Variants in SLC35F4 observed in about 807,000 individuals in gnomAD.
The protein encoded by SLC35F4 is chromosome 14 open reading frame 36.
SLC35F4 carries 24 observed loss-of-function variants against 44.2 expected under a neutral mutation model. That is an observed-to-expected ratio of 0.54 (90% CI 0.39 to 0.76). The LOEUF is 0.76. SLC35F4 is among the 30% of genes least tolerant of loss of function. SLC35F4 has a pLI of 0.00. For synonymous variants in SLC35F4, 238 were observed against 223.6 expected, an observed-to-expected ratio of 1.06 and a Z score of -0.57; for missense variants, 562 against 586.1, an observed-to-expected ratio of 0.96 and a Z score of 0.42.
At chr14:57,855,070 C>T (rs1365809804) in intron 1 of SLC35F4, among the ~76,000 whole-genome samples, 1 of 152,152 alleles carries the variant, frequency 6.6e-6, no homozygotes, top group Admixed American at 6.5e-5. Context: ...CTATTCATTT[C>T]CTCATAATTA....
intron 1 of SLC35F4, among the ~76,000 whole-genome samples, chr14:57,594,684 C>A (rs1166940050): frequency 1.3e-5 from 2 of 152,192 alleles, no homozygotes; most frequent in Non-Finnish European, 2.9e-5. Context: ...TCCACTCTAC[C>A]CTTTTCTTCC....
chr14:57,732,971 T>C (rs976370389), intron 1 of SLC35F4, among the ~76,000 whole-genome samples: 1 of 152,114 alleles, frequency 6.6e-6, no homozygotes, highest in African/African-American at 2.4e-5. Context: ...AGGATATGAA[T>C]TGAGCTTCAG....
intron 1 of SLC35F4, among the ~76,000 whole-genome samples, chr14:57,702,101 A>G (rs116797548): frequency 6.6e-6 from 1 of 152,152 alleles, no homozygotes; most frequent in African/African-American, 2.4e-5. Flanking sequence ...AGGAAAACAA[A>G]CTTCTGCAAA....
chr14:57,834,326 T>C (rs930961520), intron 1 of SLC35F4, among the ~76,000 whole-genome samples: 2 of 152,246 alleles, frequency 1.3e-5, no homozygotes, highest in African/African-American at 2.4e-5. Flanking sequence ...GTTCATTTTT[T>C]TCTTTTTTCT....
chr14:57,874,014 T>G (rs1467248620), intron 1 of SLC35F4, among the ~76,000 whole-genome samples: 1 of 152,166 alleles, frequency 6.6e-6, no homozygotes, highest in Non-Finnish European at 1.5e-5. Context: ...AGCCCTAAAA[T>G]GTTTACATTC....
At chr14:57,727,378 T>C (rs1217278118) in intron 1 of SLC35F4, among the ~76,000 whole-genome samples, 3 of 152,058 alleles carry the variant, frequency 2.0e-5, no homozygotes, top group African/African-American at 7.2e-5. Context: ...TGATCTTTTA[T>C]GTTTTCTTCA....
intron 1 of SLC35F4, among the ~76,000 whole-genome samples, chr14:57,694,880 A>G (rs2075336723): frequency 6.6e-6 from 1 of 152,198 alleles, no homozygotes; most frequent in Non-Finnish European, 1.5e-5. Context: ...TTTCTAATAT[A>G]GTAGCCTTGA....
chr14:57,960,455 A>G (rs1209596610), intron 1 of SLC35F4, among the ~76,000 whole-genome samples: 1 of 152,176 alleles, frequency 6.6e-6, no homozygotes, highest in Admixed American at 6.5e-5. Flanking sequence ...TAATTTCTCC[A>G]AGTGTCTTTC....
intron 1 of SLC35F4, among the ~76,000 whole-genome samples, chr14:57,812,123 T>G (rs1437971954): frequency 6.6e-6 from 1 of 152,220 alleles, no homozygotes; most frequent in Non-Finnish European, 1.5e-5. Context: ...ATCAGTGATG[T>G]GTATTCCCTA....
At chr14:57,983,081 G>A (rs1240249928), upstream of SLC35F4, among the ~76,000 whole-genome samples, 2 of 152,206 alleles carry the variant, frequency 1.3e-5, no homozygotes, top group Non-Finnish European at 2.9e-5. Context: ...GTCTGCCCAC[G>A]TGCAATGGAA....
intron 1 of SLC35F4, among the ~76,000 whole-genome samples, chr14:57,878,603 C>A (rs1228479326): frequency 1.3e-5 from 2 of 152,172 alleles, no homozygotes; most frequent in Non-Finnish European, 2.9e-5. Context: ...TCTCCCTCAA[C>A]TCTTTGCCCC....
intron 1 of SLC35F4, among the ~76,000 whole-genome samples, chr14:57,788,772 G>A (rs911359792): frequency 3.3e-5 from 5 of 151,850 alleles, no homozygotes; most frequent in South Asian, 2.1e-4. Flanking sequence ...GAAGTCAAAC[G>A]CTCCTCGACA....
chr14:57,566,452 C>A, intron 7 of SLC35F4, 23 bp downstream of exon 7: 1 of 1,570,334 alleles, frequency 6.4e-7, no homozygotes, highest in Non-Finnish European at 8.6e-7. Context: ...CCAGGATCTG[C>A]ACATGTCACA....
chr14:57,653,264 C>A (rs1346193637), intron 1 of SLC35F4, among the ~76,000 whole-genome samples: 1 of 151,982 alleles, frequency 6.6e-6, no homozygotes, highest in Non-Finnish European at 1.5e-5. Context: ...CCCACAAGGC[C>A]CAATAAAATG....
At chr14:57,968,099 G>A (rs1880935808) in intron 1 of SLC35F4, among the ~76,000 whole-genome samples, 1 of 152,162 alleles carries the variant, frequency 6.6e-6, no homozygotes, top group South Asian at 2.1e-4. Flanking sequence ...ATGTACTGTA[G>A]AAACTGTCAC....
chr14:57,972,555 A>AAT (rs2141095491), downstream of SLC35F4, among the ~76,000 whole-genome samples: 1 of 152,306 alleles, frequency 6.6e-6, no homozygotes, highest in Admixed American at 6.5e-5. Context: ...AAAAAAAAAA[A>AAT]ACCTTAACAT....
chr14:57,745,911 G>C (rs1477522197), intron 1 of SLC35F4, among the ~76,000 whole-genome samples: 1 of 151,966 alleles, frequency 6.6e-6, no homozygotes, highest in Non-Finnish European at 1.5e-5. Context: ...GCCATAAAAA[G>C]GATGAGTTCA....
chr14:57,762,486 GGGTAGATACTAATTGT>G (rs1409853574), intron 1 of SLC35F4, among the ~76,000 whole-genome samples: 2 of 152,118 alleles, frequency 1.3e-5, no homozygotes, highest in Non-Finnish European at 2.9e-5. Context: ...AACTCTGTAA[GGGTAGATACTAATTGT>G]AGAAAACAGA....
At chr14:57,844,252 G>C (rs761213190) in intron 1 of SLC35F4, among the ~76,000 whole-genome samples, 1 of 152,174 alleles carries the variant, frequency 6.6e-6, no homozygotes, top group Non-Finnish European at 1.5e-5. Flanking sequence ...AACCAAGGAT[G>C]CTCAAACCCC....
Sources: allele counts gnomAD v4.1 joint callset (sites outside exome capture counted in the v4.1 genomes callset), GRCh38; gene constraint gnomAD v4.1.1; transcripts MANE v1.5; gene names NCBI Gene and HGNC (gene_info 2026-07-23, HGNC 2026-07-21).